CACNA1B: variants seen among roughly 807,000 people sequenced by gnomAD.
The protein encoded by CACNA1B is voltage-dependent N-type calcium channel subunit alpha-1B.
In CACNA1B, 70 loss-of-function variants were observed where a neutral mutation model predicts 247.2. The ratio of observed to expected loss-of-function variants is 0.28; its 90% confidence interval spans 0.23 to 0.35. The LOEUF (loss-of-function observed/expected upper bound fraction) is 0.35. CACNA1B is among the 10% of genes least tolerant of loss of function. The probability of loss-of-function intolerance (pLI) is 1.00; values close to 1 mark genes in which losing one functional copy is unlikely to be tolerated. For synonymous variants in CACNA1B, 1,231 were observed against 1,294.4 expected (o/e 0.95, Z 1.05); for missense variants, 2,367 against 3,197.4 (o/e 0.74, Z 6.26).
At chr9:137,927,901 TTTC>T (rs1355557175) in intron 6 of CACNA1B, among the ~76,000 whole-genome samples, 1 of 152,196 alleles carries the variant, frequency 6.6e-6, no homozygotes, top group Admixed American at 6.5e-5. Context: ...TCATGTGAGT[TTTC>T]TTCTTTAGTC....
At chr9:138,089,332 G>GATTT (rs2131333832) in intron 36 of CACNA1B, among the ~76,000 whole-genome samples, 1 of 152,284 alleles carries the variant, frequency 6.6e-6, no homozygotes, top group East Asian at 1.9e-4. Flanking sequence ...GATCAAATGG[G>GATTT]ATTTATTCCT....
intron 6 of CACNA1B, among the ~76,000 whole-genome samples, chr9:137,934,287 A>G (rs1329455581): frequency 6.6e-6 from 1 of 152,172 alleles, no homozygotes; most frequent in Non-Finnish European, 1.5e-5. Context: ...TAATCCTAGT[A>G]CTTTGACCAC....
In CACNA1B at chr9:138,117,403, C is replaced by T. The variant is rs544293407; in HGVS notation, c.5778-543C>T. Among the ~76,000 whole-genome samples, 23 of 152,274 alleles carry T rather than the reference C, an allele frequency of 1.5e-4. No homozygotes were observed. The East Asian group carries it at 3.5e-3, about 23-fold the overall frequency. On this transcript the variant is annotated intron_variant, in intron 42 of 46. Coordinates refer to ENST00000371372, the MANE Select transcript of CACNA1B (RefSeq NM_000718.4). Reference sequence around the variant, plus strand: ...AGGCCCCCTACCCCCCGTCCCAGCCCGTCCCCTCCATGACAGCTTTGCCCT... The same window carrying T: ...AGGCCCCCTACCCCCCGTCCCAGCCTGTCCCCTCCATGACAGCTTTGCCCT...
In CACNA1B at chr9:137,967,675, T is replaced by C. The variant is rs528135296; in HGVS notation, c.1334-3708T>C. On this transcript the variant is annotated intron_variant, in intron 10 of 46. Transcript: ENST00000371372. Reference sequence around the variant, plus strand: ...CCCCACTGAGGAGCGAGATCCAGGCTGCTGTGCCCACTGCAAGTGTCTCTC... The same window carrying C: ...CCCCACTGAGGAGCGAGATCCAGGCCGCTGTGCCCACTGCAAGTGTCTCTC... Among the ~76,000 whole-genome samples the C allele has an allele frequency of 2.0e-5, 3 of 151,968 alleles. No individual in the cohort carries two copies. In the South Asian group the frequency reaches 6.3e-4, roughly 32 times the overall value.
chr9:137,927,920 A>C (rs1957569634), intron 6 of CACNA1B, among the ~76,000 whole-genome samples: 1 of 152,140 alleles, frequency 6.6e-6, no homozygotes, highest in Non-Finnish European at 1.5e-5. Flanking sequence ...TAGTCTGTTA[A>C]TATGGTGAAT....
At chr9:137,896,089 G>A (rs2133251482) in intron 3 of CACNA1B, among the ~76,000 whole-genome samples, 1 of 151,988 alleles carries the variant, frequency 6.6e-6, no homozygotes, top group East Asian at 1.9e-4. Context: ...AATACAAAAA[G>A]TTAGCCGGGT....
chr9:137,895,250 A>G (rs1396134894), intron 3 of CACNA1B, among the ~76,000 whole-genome samples: 2 of 152,184 alleles, frequency 1.3e-5, no homozygotes, highest in East Asian at 3.9e-4. Flanking sequence ...TAGTTATGTA[A>G]TAAGGCTTGA....
At chr9:138,066,622 G>T (rs2133522381) in intron 31 of CACNA1B, among the ~76,000 whole-genome samples, 1 of 152,220 alleles carries the variant, frequency 6.6e-6, no homozygotes, top group African/African-American at 2.4e-5. Flanking sequence ...CCACTTTTAA[G>T]GAAATGAACT....
intron 3 of CACNA1B, among the ~76,000 whole-genome samples, chr9:137,911,719 G>A (rs777639298): frequency 2.8e-4 from 42 of 152,132 alleles, no homozygotes; most frequent in African/African-American, 8.7e-4. Flanking sequence ...GTGCCCGGCC[G>A]ATATTTATCC....
chr9:137,967,772 G>C (rs1300319649), intron 10 of CACNA1B, among the ~76,000 whole-genome samples: 2 of 152,164 alleles, frequency 1.3e-5, no homozygotes, highest in Non-Finnish European at 1.5e-5. Context: ...CTTGCTCTCT[G>C]TCTGCCCCTC....
chr9:138,094,159 A>G (rs1485580032), intron 36 of CACNA1B, among the ~76,000 whole-genome samples: 4 of 152,118 alleles, frequency 2.6e-5, no homozygotes. Flanking sequence ...TAGGTGAAAT[A>G]AGCTAGTCAC....
At chr9:137,900,509 C>A (rs11999099) in intron 3 of CACNA1B, among the ~76,000 whole-genome samples, 61,731 of 146,042 alleles carry the variant, frequency 0.42, 16,123 homozygotes, top group African/African-American at 0.75. Flanking sequence ...GTGTCTGTGT[C>A]TGTGTGTCTC....
Position 138,020,786 on chromosome 9 carries a change from G to A in CACNA1B, c.2268-2225G>A, listed in dbSNP as rs906363765. 6.6e-6 allele frequency among the ~76,000 whole-genome samples: 1 copy of A among 152,210 alleles called. No homozygotes were observed. Among genetic ancestry groups the A allele is most frequent in the Non-Finnish European group, 1.5e-5 (1 of 68,030 alleles). On this transcript the variant is annotated intron_variant, in intron 18 of 46. Transcript: ENST00000371372. The surrounding 1 kb of genome is among the most constrained non-coding windows in gnomAD (Gnocchi z 4.1). ...CCAGCAGACAGCCTGGCCTTTCCCT[G>A]CTCCAGGTGTTTCCTGGGCGAGAAG...
intron 36 of CACNA1B, among the ~76,000 whole-genome samples, chr9:138,084,938 C>T (rs1382757652): frequency 3.4e-5 from 5 of 145,742 alleles, no homozygotes; most frequent in African/African-American, 5.2e-5. Context: ...GGTGACAGAG[C>T]GAGACTCCAT....
Position 137,888,039 on chromosome 9 carries a change from G to A in CACNA1B, c.530+5156G>A, listed in dbSNP as rs1426497367. 4.6e-5 allele frequency among the ~76,000 whole-genome samples: 7 copies of A among 151,588 alleles called. No homozygotes were observed. The highest frequency in any genetic ancestry group is 1.5e-4 in the African/African-American group (6 of 41,204). ...CAGGGGGGCCTTGGCTCGGGCGTTG[G>A]AGGGCTCTGAGCACAGGTGTGGCCC... On this transcript the variant is annotated intron_variant, in intron 3 of 46. Coordinates refer to ENST00000371372, the MANE Select transcript of CACNA1B (RefSeq NM_000718.4). This position sits in a 1 kb window ranked among gnomAD's most constrained non-coding sequence, Gnocchi z 4.7.
chr9:138,114,447 C>T lies in CACNA1B; in HGVS notation c.5606C>T (p.Thr1869Ile), dbSNP rs756985829. ...TTCGACTTCTACAAGCAGAACAAAACCACCAGAGACCAGATGCAGCAGGCT... is the reference window on the plus strand; with the variant it reads ...TTCGACTTCTACAAGCAGAACAAAATCACCAGAGACCAGATGCAGCAGGCT... ...MIFDFYKQNK[T>I]TRDQMQQAPG... is the part of the protein sequence containing the mutation. The change falls in exon 41 of 47, where the codon ACC (threonine) becomes ATC (isoleucine). Residue 1869 changes from threonine to isoleucine, a missense_variant. Coordinates refer to ENST00000371372, the MANE Select transcript of CACNA1B (RefSeq NM_000718.4). The T allele has an allele frequency of 1.9e-6, 3 of 1,590,358 alleles. No homozygotes were observed. Among genetic ancestry groups the T allele is most frequent in the Non-Finnish European group, 2.6e-6 (3 of 1,167,658 alleles).
chr9:138,038,147 A>G (rs933708412), intron 20 of CACNA1B, among the ~76,000 whole-genome samples: 2 of 152,180 alleles, frequency 1.3e-5, no homozygotes, highest in African/African-American at 4.8e-5. Context: ...TATTCTTGTA[A>G]AATTTTGAAT....
chr9:137,897,266 A>C (rs1459976916), intron 3 of CACNA1B, among the ~76,000 whole-genome samples: 1 of 152,238 alleles, frequency 6.6e-6, no homozygotes, highest in East Asian at 1.9e-4. Flanking sequence ...TTTTTCTAAC[A>C]TATACATATA....
rs1461673220 is a variant in CACNA1B at position 138,058,133 on chromosome 9, G to A, written c.4191G>A (p.Val1397=). 1 of 1,613,608 alleles carries A rather than the reference G, an allele frequency of 6.2e-7. No homozygotes were observed. The highest frequency in any genetic ancestry group is 2.2e-5 in the East Asian group (1 of 44,894). The part of the protein sequence containing the change: ...GYRMELSIFY[V]VYFVVFPFFF... ...GCATGGAGCTGTCCATCTTCTACGT[G>A]GTCTACTTTGTGGTCTTTCCCTTCT... The change falls in exon 28 of 47, where the codon GTG becomes GTA. Residue 1397 remains valine, a synonymous_variant. Transcript: ENST00000371372. This position sits in a 1 kb window ranked among gnomAD's most constrained non-coding sequence, Gnocchi z 4.7.
Sources: allele counts gnomAD v4.1 joint callset (sites outside exome capture counted in the v4.1 genomes callset), GRCh38; gene constraint gnomAD v4.1.1; non-coding constraint Gnocchi (gnomAD v3.1); transcripts MANE v1.5; gene names NCBI Gene and HGNC (gene_info 2026-07-23, HGNC 2026-07-21).